Variants in NFATC1 observed in about 807,000 individuals in gnomAD.
NFATC1 encodes nuclear factor of activated T-cells, cytoplasmic 1.
A neutral mutation model predicts 76.0 loss-of-function variants in NFATC1; 22 were observed. The observed-to-expected ratio is 0.29, with a 90% CI of 0.21 to 0.41. The LOEUF is 0.41. NFATC1 is among the 10% of genes least tolerant of loss of function. The pLI, the probability that NFATC1 is intolerant of heterozygous loss-of-function variation, is 1.00. For missense variants in NFATC1, 1,357 were observed against 1,337.7 expected, an observed-to-expected ratio of 1.01 and a Z score of -0.23; for synonymous variants, 704 against 613.1, an observed-to-expected ratio of 1.15 and a Z score of -2.19.
intron 8 of NFATC1, among the ~76,000 whole-genome samples, chr18:79,472,821 C>T (rs546235297): frequency 2.0e-5 from 3 of 152,372 alleles, no homozygotes; most frequent in South Asian, 4.1e-4. Flanking sequence ...CCTGGCCTCG[C>T]GGCGCTCTGG....
chr18:79,481,133 C>G (rs567559114), intron 8 of NFATC1, among the ~76,000 whole-genome samples: 1 of 152,346 alleles, frequency 6.6e-6, no homozygotes, highest in Admixed American at 6.5e-5. Flanking sequence ...AGCACTTGGC[C>G]AAGCCCTGCC....
intron 9 of NFATC1, among the ~76,000 whole-genome samples, chr18:79,502,483 C>T (rs1226213550): frequency 2.0e-5 from 3 of 152,136 alleles, no homozygotes; most frequent in Non-Finnish European, 2.9e-5. Context: ...AATGGAACCT[C>T]ACCAAAATTT....
chr18:79,446,950 G>C (rs2087231295), intron 3 of NFATC1, among the ~76,000 whole-genome samples: 1 of 152,316 alleles, frequency 6.6e-6, no homozygotes, highest in South Asian at 2.1e-4. Context: ...GCTGGGACCT[G>C]GGTCCCGGCT....
intron 7 of NFATC1, among the ~76,000 whole-genome samples, chr18:79,464,648 TTGTG>T (rs140357862): frequency 1.8e-4 from 24 of 131,628 alleles, no homozygotes; most frequent in African/African-American, 2.4e-4. Flanking sequence ...ATATATGTGT[TTGTG>T]TGTGTGTGTG....
intron 3 of NFATC1, among the ~76,000 whole-genome samples, chr18:79,439,617 C>A (rs1179611098): frequency 6.6e-6 from 1 of 152,242 alleles, no homozygotes; most frequent in Non-Finnish European, 1.5e-5. Flanking sequence ...GTTCCACATA[C>A]GCCGTTGTTC....
chr18:79,439,206 C>T (rs2086886039), intron 3 of NFATC1, among the ~76,000 whole-genome samples: 1 of 152,186 alleles, frequency 6.6e-6, no homozygotes, highest in South Asian at 2.1e-4. Context: ...CCTGGTTCTC[C>T]ATGTCCCCTG....
At chr18:79,453,801 A>G (rs2087574223) in intron 6 of NFATC1, among the ~76,000 whole-genome samples, 1 of 152,252 alleles carries the variant, frequency 6.6e-6, no homozygotes, top group East Asian at 1.9e-4. Flanking sequence ...GTTGAATAAG[A>G]TAATTTGCAT....
At chr18:79,421,756 CTG>C (rs1319712736) in intron 2 of NFATC1, 1 of 152,330 alleles carries the variant, frequency 6.6e-6, no homozygotes, top group Non-Finnish European at 1.5e-5. Flanking sequence ...TGAAGCAACT[CTG>C]TGTTTACTGG....
At chr18:79,404,036 G>C (rs2085353338) in intron 1 of NFATC1, among the ~76,000 whole-genome samples, 1 of 152,204 alleles carries the variant, frequency 6.6e-6, no homozygotes, top group Non-Finnish European at 1.5e-5. Context: ...TGGCAGATTG[G>C]AATATTTCAG....
intron 8 of NFATC1, among the ~76,000 whole-genome samples, chr18:79,473,457 A>AT (rs1473881914): frequency 1.3e-5 from 2 of 148,416 alleles, no homozygotes; most frequent in Non-Finnish European, 3.0e-5. Context: ...TTCTCAGCTC[A>AT]TTGTCGACGT....
intron 8 of NFATC1, among the ~76,000 whole-genome samples, chr18:79,475,793 C>T (rs2089042794): frequency 6.6e-6 from 1 of 152,250 alleles, no homozygotes; most frequent in Non-Finnish European, 1.5e-5. Context: ...AAACCACCCC[C>T]AGCAAGACGC....
chr18:79,398,231 C>T (rs546914155), intron 1 of NFATC1, among the ~76,000 whole-genome samples: 1 of 152,352 alleles, frequency 6.6e-6, no homozygotes, highest in East Asian at 1.9e-4. Flanking sequence ...TGTAAGTAGC[C>T]ACCCAGTCAG....
chr18:79,402,519 C>G (rs563377430), intron 1 of NFATC1, among the ~76,000 whole-genome samples: 1 of 152,224 alleles, frequency 6.6e-6, no homozygotes, highest in Non-Finnish European at 1.5e-5. Flanking sequence ...CCGGGAGCCC[C>G]GCAGAGCTGG....
intron 2 of NFATC1, among the ~76,000 whole-genome samples, chr18:79,427,712 TGGG>T (rs1160328014): frequency 1.2e-4 from 1 of 8,204 alleles, no homozygotes; most frequent in Non-Finnish European, 2.2e-4. Flanking sequence ...TGGGTGGGGT[TGGG>T]GGGGTGCTGG....
At chr18:79,415,472 TG>T (rs930587202) in intron 2 of NFATC1, among the ~76,000 whole-genome samples, 28 of 151,014 alleles carry the variant, frequency 1.9e-4, no homozygotes, top group African/African-American at 6.5e-4. Flanking sequence ...TTAGTAGAGA[TG>T]GGGTTTCACC....
At chr18:79,446,872 C>G (rs2087227783) in intron 3 of NFATC1, among the ~76,000 whole-genome samples, 1 of 152,206 alleles carries the variant, frequency 6.6e-6, no homozygotes. Flanking sequence ...CCACCGTGTT[C>G]CCACGTGATG....
chr18:79,464,248 C>G (rs1600813000), intron 7 of NFATC1, among the ~76,000 whole-genome samples: 1 of 152,068 alleles, frequency 6.6e-6, no homozygotes, highest in East Asian at 1.9e-4. Flanking sequence ...GGCCACTATG[C>G]CTGGCTAATG....
chr18:79,410,479 G>A lies in NFATC1; in HGVS notation c.204G>A (p.Pro68=), dbSNP rs138101748. ...CGGCGCACTCCACCCTGCCGGCCCC[G>A]TGCCACAACCTTCAGACCTCCACAC... ...LPTAHSTLPA[P]CHNLQTSTPG... Residue 68 remains proline (P), a synonymous_variant, in exon 2 of 10, where the codon CCG becomes CCA. Coordinates refer to ENST00000427363, the MANE Select transcript of NFATC1 (RefSeq NM_001278669.2). This position sits in a 1 kb window ranked among gnomAD's most constrained non-coding sequence, Gnocchi z 6.7. The A allele has an allele frequency of 2.3e-3, 3,768 of 1,612,234 alleles. 63 individuals carry two copies. Among genetic ancestry groups the A allele is most frequent in the African/African-American group, 0.015 (1,111 of 74,994 alleles).
At chr18:79,415,808 T>A (rs915864403) in intron 2 of NFATC1, among the ~76,000 whole-genome samples, 2 of 151,366 alleles carry the variant, frequency 1.3e-5, no homozygotes, top group South Asian at 2.1e-4. Context: ...ACGCCTGTAA[T>A]CCCAGCACTT....
Sources: allele counts gnomAD v4.1 joint callset (sites outside exome capture counted in the v4.1 genomes callset), GRCh38; gene constraint gnomAD v4.1.1; non-coding constraint Gnocchi (gnomAD v3.1); transcripts MANE v1.5; gene names NCBI Gene and HGNC (gene_info 2026-07-23, HGNC 2026-07-21).